VPS13B: variants seen among roughly 807,000 people sequenced by gnomAD.
The protein encoded by VPS13B is intermembrane lipid transfer protein VPS13B.
VPS13B carries 285 observed loss-of-function variants against 426.4 expected under a neutral mutation model. The ratio of observed to expected loss-of-function variants is 0.67; its 90% CI spans 0.61 to 0.74. The LOEUF (loss-of-function observed/expected upper bound fraction) is 0.74, where lower values mean the gene tolerates loss of function less well. VPS13B is among the 30% of genes least tolerant of loss of function. The pLI, the probability that VPS13B is intolerant of heterozygous loss-of-function variation, is 0.00. For missense variants in VPS13B, 4,537 were observed against 4,782.6 expected (o/e 0.95, Z 1.51); for synonymous variants, 1,676 against 1,676.4 (o/e 1.00, Z 0.01).
At chr8:99,163,462 G>A (rs1432719780) in intron 15 of VPS13B, among the ~76,000 whole-genome samples, 1 of 152,214 alleles carries the variant, frequency 6.6e-6, no homozygotes, top group Non-Finnish European at 1.5e-5. Context: ...GGTGCTCGTT[G>A]GGGAGGCTCG....
intron 19 of VPS13B, among the ~76,000 whole-genome samples, chr8:99,364,890 G>C (rs1812764512): frequency 1.3e-5 from 2 of 152,234 alleles, no homozygotes; most frequent in East Asian, 3.9e-4. Context: ...GAATTCAGCA[G>C]TCAAGCCATT....
chr8:99,113,011 CTCTT>C (rs1847451412), intron 6 of VPS13B, among the ~76,000 whole-genome samples: 2 of 151,796 alleles, frequency 1.3e-5, no homozygotes, highest in South Asian at 2.1e-4. Flanking sequence ...TTTCTTTTCT[CTCTT>C]TCTTTTTTCT....
intron 21 of VPS13B, among the ~76,000 whole-genome samples, chr8:99,431,047 ATTGGTAAGTTTTT>A (rs1817078997): frequency 6.6e-6 from 1 of 152,204 alleles, no homozygotes; most frequent in South Asian, 2.1e-4. Context: ...GAGAGATTTT[ATTGGTAAGTTTTT>A]GTTATCAGGA....
intron 36 of VPS13B, among the ~76,000 whole-genome samples, chr8:99,716,151 GGT>G (rs1265222431): frequency 6.6e-6 from 1 of 151,968 alleles, no homozygotes; most frequent in Non-Finnish European, 1.5e-5. Context: ...CACTTTTGTG[GGT>G]GTGATGCCTT....
chr8:99,712,285 C>G (rs537730546), intron 36 of VPS13B, among the ~76,000 whole-genome samples: 1 of 152,336 alleles, frequency 6.6e-6, no homozygotes, highest in African/African-American at 2.4e-5. Context: ...TGCTGACTGC[C>G]AGCAGTTCCA....
chr8:99,837,800 T>C (rs1414684419), intron 54 of VPS13B, among the ~76,000 whole-genome samples: 1 of 152,174 alleles, frequency 6.6e-6, no homozygotes, highest in Non-Finnish European at 1.5e-5. Flanking sequence ...TGTCCTCTGA[T>C]GAAAGGAAGG....
intron 23 of VPS13B, among the ~76,000 whole-genome samples, chr8:99,447,563 G>A (rs1176202443): frequency 6.6e-6 from 1 of 152,064 alleles, no homozygotes; most frequent in Non-Finnish European, 1.5e-5. Flanking sequence ...AACCAACTTT[G>A]AAGTGCCTCG....
At chr8:99,354,295 TTTTTTTTTTTG>T (rs1812063314) in intron 19 of VPS13B, among the ~76,000 whole-genome samples, 1 of 129,916 alleles carries the variant, frequency 7.7e-6, no homozygotes, top group Non-Finnish European at 1.6e-5. Flanking sequence ...TTTTTTTTTT[TTTTTTTTTTTG>T]GTATTTCAGA....
intron 19 of VPS13B, among the ~76,000 whole-genome samples, chr8:99,312,060 G>T (rs1821014922): frequency 6.6e-6 from 1 of 152,150 alleles, no homozygotes; most frequent in African/African-American, 2.4e-5. Flanking sequence ...TTGAGCCTAT[G>T]TGGGTCTCTG....
intron 41 of VPS13B, 59 bp downstream of exon 41, chr8:99,777,015 G>C (rs1811774066): frequency 1.3e-6 from 2 of 1,562,364 alleles, no homozygotes; most frequent in Admixed American, 3.3e-5. Flanking sequence ...TTTCTCTTGA[G>C]TGTTTTCAAA....
intron 29 of VPS13B, among the ~76,000 whole-genome samples, chr8:99,514,556 T>G (rs1325911507): frequency 1.3e-5 from 2 of 152,228 alleles, no homozygotes; most frequent in African/African-American, 4.8e-5. Flanking sequence ...GTGTCTGTCT[T>G]ACTTTACTTA....
At chr8:99,371,298 T>C (rs1003654838) in intron 19 of VPS13B, among the ~76,000 whole-genome samples, 6 of 152,220 alleles carry the variant, frequency 3.9e-5, no homozygotes, top group Non-Finnish European at 7.3e-5. Context: ...ATGGAATTAG[T>C]AAAAAGGTAT....
chr8:99,568,222 A>G (rs1019441736), intron 31 of VPS13B, among the ~76,000 whole-genome samples: 1 of 151,994 alleles, frequency 6.6e-6, no homozygotes, highest in Non-Finnish European at 1.5e-5. Context: ...TTTGAAAGTC[A>G]TTGGATAGTG....
At chr8:99,404,968 C>T (rs183590528) in intron 21 of VPS13B, among the ~76,000 whole-genome samples, 1 of 152,334 alleles carries the variant, frequency 6.6e-6, no homozygotes, top group East Asian at 1.9e-4. Context: ...AGACTTCAAG[C>T]ATGGTGAAGC....
intron 19 of VPS13B, among the ~76,000 whole-genome samples, chr8:99,287,990 T>G (rs1819536251): frequency 6.6e-6 from 1 of 151,968 alleles, no homozygotes; most frequent in Non-Finnish European, 1.5e-5. Flanking sequence ...CCAAGATGCG[T>G]TTGAAAGACT....
At chr8:99,202,984 T>C (rs1479657446) in intron 17 of VPS13B, among the ~76,000 whole-genome samples, 2 of 150,526 alleles carry the variant, frequency 1.3e-5, no homozygotes, top group Admixed American at 1.3e-4. Context: ...CAGTGGAGCT[T>C]GCAGCTTGGA....
intron 30 of VPS13B, among the ~76,000 whole-genome samples, chr8:99,548,898 A>G (rs1196291412): frequency 6.6e-6 from 1 of 152,094 alleles, no homozygotes; most frequent in African/African-American, 2.4e-5. Flanking sequence ...TATTAGAGAA[A>G]AATTAAACCA....
intron 19 of VPS13B, among the ~76,000 whole-genome samples, chr8:99,357,388 C>G (rs1812236594): frequency 6.6e-6 from 1 of 151,888 alleles, no homozygotes; most frequent in African/African-American, 2.4e-5. Flanking sequence ...AGTCATTTTA[C>G]TTTTTCTATT....
At chr8:99,178,924 G>A (rs1292187703) in intron 16 of VPS13B, among the ~76,000 whole-genome samples, 1 of 152,010 alleles carries the variant, frequency 6.6e-6, no homozygotes, top group Non-Finnish European at 1.5e-5. Context: ...GCCCGCCCTA[G>A]ACATCTTTTG....
Sources: allele counts gnomAD v4.1 joint callset (sites outside exome capture counted in the v4.1 genomes callset), GRCh38; gene constraint gnomAD v4.1.1; transcripts MANE v1.5; gene names NCBI Gene and HGNC (gene_info 2026-07-23, HGNC 2026-07-21).